Variants in ASTN2 observed in about 807,000 individuals in gnomAD.
ASTN2 encodes astrotactin 2, also known as astrotactin-2.
ASTN2 carries 54 observed loss-of-function variants against 139.8 expected under a neutral mutation model. The ratio of observed to expected loss-of-function variants is 0.39; its 90% CI spans 0.31 to 0.48. The LOEUF is 0.48. Ranked by LOEUF, ASTN2 falls within the 20% of genes least tolerant of loss-of-function variation. The pLI is 0.95. For synonymous variants in ASTN2, 756 were observed against 719.5 expected (o/e 1.05, Z -0.81); for missense variants, 1,565 against 1,725.1 (o/e 0.91, Z 1.64).
At position 116,810,406 on chromosome 9, in the gene ASTN2, G is replaced by A. The variant is rs143903877; in HGVS notation, c.2208-4586C>T. Among the ~76,000 whole-genome samples the A allele has an allele frequency of 5.5e-4, 83 of 152,184 alleles. 2 individuals are homozygous for A. In the East Asian group the frequency reaches 9.5e-3, roughly 17 times the overall value. Reference sequence around the variant, plus strand: ...TGCCACTTACCAGTTGTGTGACCTCGGACAAACTACTTAACCTCTCTGTAC... The same window carrying A: ...TGCCACTTACCAGTTGTGTGACCTCAGACAAACTACTTAACCTCTCTGTAC... On this transcript the variant is annotated intron_variant, in intron 12 of 22. Coordinates refer to ENST00000313400, the MANE Select transcript of ASTN2 (RefSeq NM_001365068.1).
chr9:116,690,053 T>A (rs1056915043), intron 16 of ASTN2, among the ~76,000 whole-genome samples: 2 of 152,170 alleles, frequency 1.3e-5, no homozygotes, highest in Non-Finnish European at 2.9e-5. Flanking sequence ...AGCTAGACTG[T>A]GTCTGACAGC....
intron 10 of ASTN2, among the ~76,000 whole-genome samples, chr9:116,872,626 G>C (rs1833195954): frequency 6.6e-6 from 1 of 152,164 alleles, no homozygotes. Context: ...GGACCACAAA[G>C]ATGACTCTCT....
chr9:117,356,380 C>G (rs1346298452), intron 1 of ASTN2, among the ~76,000 whole-genome samples: 3 of 152,274 alleles, frequency 2.0e-5, no homozygotes, highest in Middle Eastern at 3.4e-3. Context: ...AGATTATTAT[C>G]CCATGTTTGA....
intron 10 of ASTN2, among the ~76,000 whole-genome samples, chr9:116,871,174 CTTG>C (rs1833155564): frequency 4.6e-5 from 7 of 152,136 alleles, no homozygotes; most frequent in African/African-American, 1.7e-4. Context: ...AGGAGAATCG[CTTG>C]AATCAGGGAG....
intron 2 of ASTN2, among the ~76,000 whole-genome samples, chr9:117,216,800 T>C (rs1325247836): frequency 6.7e-6 from 1 of 149,118 alleles, no homozygotes; most frequent in Admixed American, 6.7e-5. Flanking sequence ...AGAGGGAGAG[T>C]GAAGAGAGGA....
At chr9:116,559,338 A>T (rs2131658052) in intron 19 of ASTN2, among the ~76,000 whole-genome samples, 1 of 152,348 alleles carries the variant, frequency 6.6e-6, no homozygotes, top group Admixed American at 6.5e-5. Flanking sequence ...GGGAGAGGAA[A>T]TTCAACAAAC....
At chr9:116,819,118 C>T (rs1831413195) in intron 12 of ASTN2, among the ~76,000 whole-genome samples, 1 of 152,192 alleles carries the variant, frequency 6.6e-6, no homozygotes, top group Non-Finnish European at 1.5e-5. Flanking sequence ...CTGTAATGTG[C>T]TGTGGATGGA....
chr9:116,922,740 T>G (rs1159132802), intron 10 of ASTN2, among the ~76,000 whole-genome samples: 1 of 152,178 alleles, frequency 6.6e-6, no homozygotes, highest in Non-Finnish European at 1.5e-5. Flanking sequence ...CACAAAAACA[T>G]TCAGTGTGAT....
chr9:117,266,333 A>C (rs1022187736), intron 2 of ASTN2, among the ~76,000 whole-genome samples: 9 of 152,188 alleles, frequency 5.9e-5, no homozygotes, highest in East Asian at 1.9e-4. Flanking sequence ...CACACACACA[A>C]AAACATACAA....
At chr9:117,386,195 G>T (rs1030895688) in intron 1 of ASTN2, among the ~76,000 whole-genome samples, 3 of 151,952 alleles carry the variant, frequency 2.0e-5, no homozygotes, top group Non-Finnish European at 4.4e-5. Context: ...AAATAATAAA[G>T]CCAGTCCCAC....
chr9:117,193,786 A>T (rs1046714793), intron 3 of ASTN2, among the ~76,000 whole-genome samples: 1 of 152,132 alleles, frequency 6.6e-6, no homozygotes, highest in African/African-American at 2.4e-5. Flanking sequence ...TGCCCATTCT[A>T]TCTTCCCCTT....
intron 20 of ASTN2, 97 bp downstream of exon 20, chr9:116,487,262 C>T (rs1849370124): frequency 6.9e-7 from 1 of 1,452,494 alleles, no homozygotes; most frequent in Non-Finnish European, 9.3e-7. Flanking sequence ...GCTAATAAAA[C>T]ATTTGGCTGG....
chr9:117,197,858 T>C (rs1831558520), intron 3 of ASTN2, among the ~76,000 whole-genome samples: 1 of 152,138 alleles, frequency 6.6e-6, no homozygotes, highest in Non-Finnish European at 1.5e-5. Flanking sequence ...AGATTGGTAA[T>C]TTTTTTCCTA....
chr9:117,376,310 A>G (rs1285149594), intron 1 of ASTN2, among the ~76,000 whole-genome samples: 1 of 152,148 alleles, frequency 6.6e-6, no homozygotes, highest in Non-Finnish European at 1.5e-5. Flanking sequence ...CTGAACCCAA[A>G]CTAGTACAAT....
intron 20 of ASTN2, among the ~76,000 whole-genome samples, chr9:116,460,859 T>C (rs1265388682): frequency 6.6e-6 from 1 of 152,170 alleles, no homozygotes; most frequent in Non-Finnish European, 1.5e-5. Flanking sequence ...GAGGATTCTG[T>C]AGCGTAGATA....
intron 3 of ASTN2, among the ~76,000 whole-genome samples, chr9:117,175,698 T>C (rs966249898): frequency 6.6e-6 from 1 of 152,136 alleles, no homozygotes; most frequent in African/African-American, 2.4e-5. Context: ...GCTATCCATG[T>C]GAAAAACTAA....
intron 13 of ASTN2, among the ~76,000 whole-genome samples, chr9:116,804,924 A>G (rs537996924): frequency 1.4e-3 from 216 of 151,708 alleles, no homozygotes; most frequent in African/African-American, 5.0e-3. Flanking sequence ...ATGGTTCTTC[A>G]AGCTTTGAGG....
At chr9:116,657,997 C>A (rs1425331621) in intron 16 of ASTN2, among the ~76,000 whole-genome samples, 1 of 151,724 alleles carries the variant, frequency 6.6e-6, no homozygotes, top group African/African-American at 2.4e-5. Flanking sequence ...AAGCAATTCT[C>A]CCTCAGCCTC....
chr9:117,262,304 G>T (rs1013415473), intron 2 of ASTN2, among the ~76,000 whole-genome samples: 1 of 152,056 alleles, frequency 6.6e-6, no homozygotes. Flanking sequence ...TCAAATGTAA[G>T]GATATGGAAA....
Sources: allele counts gnomAD v4.1 joint callset (sites outside exome capture counted in the v4.1 genomes callset), GRCh38; gene constraint gnomAD v4.1.1; transcripts MANE v1.5; gene names NCBI Gene and HGNC (gene_info 2026-07-23, HGNC 2026-07-21).